PBX3: variants seen among roughly 807,000 people sequenced by gnomAD.
PBX3 encodes the protein pre-B-cell leukemia transcription factor 3.
Under a neutral mutation model 48.5 loss-of-function variants are expected in PBX3, and 14 were observed. The ratio of observed to expected loss-of-function variants is 0.29; its 90% CI spans 0.19 to 0.45. The LOEUF is 0.45. Ranked by LOEUF, PBX3 falls within the 20% of genes least tolerant of loss-of-function variation. The pLI is 1.00. For synonymous variants in PBX3, 210 were observed against 200.3 expected, an observed-to-expected ratio of 1.05 and a Z score of -0.41; for missense variants, 386 against 546.7, an observed-to-expected ratio of 0.71 and a Z score of 2.93.
At chr9:125,806,142 T>G (rs769439375) in intron 2 of PBX3, among the ~76,000 whole-genome samples, 3 of 152,080 alleles carry the variant, frequency 2.0e-5, no homozygotes, top group Non-Finnish European at 2.9e-5. Flanking sequence ...TGACTTTTGA[T>G]CTCATATCTG....
intron 3 of PBX3, among the ~76,000 whole-genome samples, chr9:125,916,461 C>T (rs1841337239): frequency 6.6e-6 from 1 of 152,082 alleles, no homozygotes; most frequent in Non-Finnish European, 1.5e-5. Flanking sequence ...ATTATGGGTA[C>T]CCCAGGACAG....
intron 2 of PBX3, among the ~76,000 whole-genome samples, chr9:125,889,770 C>T (rs1474811129): frequency 2.7e-5 from 4 of 150,016 alleles, no homozygotes; most frequent in Admixed American, 1.3e-4. Context: ...GGAGCGGGGC[C>T]GGGCCGCGGG....
At chr9:125,882,216 C>G (rs1840399179) in intron 2 of PBX3, among the ~76,000 whole-genome samples, 1 of 151,362 alleles carries the variant, frequency 6.6e-6, no homozygotes. Context: ...CAGGGAGACC[C>G]TGTCTCACAA....
chr9:125,904,441 G>A (rs1841022134), intron 2 of PBX3, among the ~76,000 whole-genome samples: 1 of 151,782 alleles, frequency 6.6e-6, no homozygotes, highest in Admixed American at 6.6e-5. Flanking sequence ...ATGCAAAATG[G>A]GATTCTAATA....
At position 125,929,644 on chromosome 9, in the gene PBX3, T is replaced by C. The variant is rs570608722; in HGVS notation, c.517-11T>C. The C allele has an allele frequency of 3.0e-5, 48 of 1,582,672 alleles. No individual in the cohort carries two copies. In the Admixed American group the frequency reaches 4.1e-4, roughly 14 times the overall value. ...AGTTTCCAAAGGAGTGATTTTTTTT[T>C]CCCATTACAGGCATGTAATGAATTT... On this transcript the variant is annotated splice_polypyrimidine_tract_variant and intron_variant, in intron 3 of 8. Coordinates refer to ENST00000373489, the MANE Select transcript of PBX3 (RefSeq NM_006195.6).
intron 2 of PBX3, among the ~76,000 whole-genome samples, chr9:125,774,437 A>G (rs1362265217): frequency 7.2e-5 from 11 of 152,114 alleles, no homozygotes; most frequent in African/African-American, 2.2e-4. Flanking sequence ...GCAACCACCA[A>G]TCTGCTTTCT....
chr9:125,951,321 A>G (rs1842191448), intron 5 of PBX3, among the ~76,000 whole-genome samples: 1 of 152,182 alleles, frequency 6.6e-6, no homozygotes, highest in Admixed American at 6.6e-5. Context: ...GGAGTGTGGC[A>G]GACAGGCGCT....
At chr9:125,939,944 G>A (rs947727756) in intron 5 of PBX3, among the ~76,000 whole-genome samples, 2 of 152,188 alleles carry the variant, frequency 1.3e-5, no homozygotes, top group African/African-American at 4.8e-5. Flanking sequence ...GGTGGCTCAC[G>A]CCTGTAATCC....
intron 2 of PBX3, among the ~76,000 whole-genome samples, chr9:125,800,753 T>A (rs1837917800): frequency 6.7e-6 from 1 of 149,744 alleles, no homozygotes; most frequent in Non-Finnish European, 1.5e-5. Context: ...GGAATTAATT[T>A]TTTTTTTTTT....
At chr9:125,906,997 A>C (rs955206725) in intron 2 of PBX3, among the ~76,000 whole-genome samples, 2 of 152,068 alleles carry the variant, frequency 1.3e-5, no homozygotes, top group Non-Finnish European at 2.9e-5. Context: ...TTTTCTACAC[A>C]TGGCTATTCT....
chr9:125,928,422 GTTTT>G (rs140323051), intron 3 of PBX3, among the ~76,000 whole-genome samples: 1 of 142,388 alleles, frequency 7.0e-6, no homozygotes, highest in African/African-American at 2.7e-5. Flanking sequence ...GTGTGTGTGT[GTTTT>G]TGTGTATGTA....
chr9:125,909,123 A>AT (rs1841145451), intron 2 of PBX3, among the ~76,000 whole-genome samples: 1 of 152,114 alleles, frequency 6.6e-6, no homozygotes, highest in African/African-American at 2.4e-5. Context: ...TTCTTTCCGC[A>AT]TTTTTATTGC....
At chr9:125,861,488 C>A (rs548912894) in intron 2 of PBX3, among the ~76,000 whole-genome samples, 9 of 151,796 alleles carry the variant, frequency 5.9e-5, no homozygotes, top group Admixed American at 5.9e-4. Context: ...AGGTATATAC[C>A]CAAGAGAAAT....
chr9:125,947,644 G>C (rs1842095012), intron 5 of PBX3, among the ~76,000 whole-genome samples: 1 of 152,030 alleles, frequency 6.6e-6, no homozygotes, highest in Admixed American at 6.5e-5. Flanking sequence ...GAAGTAAATA[G>C]GAAGTACTTA....
intron 2 of PBX3, among the ~76,000 whole-genome samples, chr9:125,788,095 G>A (rs1837504957): frequency 6.6e-6 from 1 of 152,148 alleles, no homozygotes; most frequent in South Asian, 2.1e-4. Context: ...ATTAATATTA[G>A]TTAATAACCA....
chr9:125,766,920 T>G (rs1035400155), intron 2 of PBX3, among the ~76,000 whole-genome samples: 6 of 107,546 alleles, frequency 5.6e-5, no homozygotes, highest in Non-Finnish European at 9.2e-5. Flanking sequence ...TTAGCATGAT[T>G]GGGAACAGAA....
At chr9:125,783,797 G>A (rs1441205233) in intron 2 of PBX3, among the ~76,000 whole-genome samples, 2 of 151,794 alleles carry the variant, frequency 1.3e-5, no homozygotes, top group Admixed American at 1.3e-4. Context: ...TCAGGAGTTC[G>A]AGACCAGGCT....
chr9:125,754,464 A>G (rs1588116713), intron 2 of PBX3, among the ~76,000 whole-genome samples: 1 of 152,112 alleles, frequency 6.6e-6, no homozygotes, highest in South Asian at 2.1e-4. Context: ...GATTTTTTAC[A>G]AAGTTATTGA....
intron 2 of PBX3, among the ~76,000 whole-genome samples, chr9:125,773,882 CTATTT>C (rs972789357): frequency 6.6e-6 from 1 of 152,082 alleles, no homozygotes; most frequent in African/African-American, 2.4e-5. Flanking sequence ...CTAAAATTAA[CTATTT>C]TAAAGTATAT....
Sources: gnomAD v4.1 joint callset for allele counts (sites outside exome capture counted in the v4.1 genomes callset) on GRCh38, gnomAD v4.1.1 for gene constraint, MANE v1.5 for transcripts, NCBI Gene and HGNC (gene_info 2026-07-23, HGNC 2026-07-21) for gene names.